CNTNAP2: variants seen among roughly 807,000 people sequenced by gnomAD.
CNTNAP2 encodes the protein contactin associated protein 2, also known as contactin-associated protein-like 2.
A neutral mutation model predicts 155.2 loss-of-function variants in CNTNAP2; 98 were observed. The observed-to-expected ratio is 0.63, with a 90% CI of 0.54 to 0.75. The LOEUF (loss-of-function observed/expected upper bound fraction) is 0.75. Ranked by LOEUF, CNTNAP2 falls within the 30% of genes least tolerant of loss-of-function variation. The pLI is 0.00. For missense variants in CNTNAP2, 1,727 were observed against 1,688.1 expected (o/e 1.02, Z -0.40); for synonymous variants, 651 against 631.2 (o/e 1.03, Z -0.47).
At chr7:146,165,537 C>T (rs1465964865) in intron 1 of CNTNAP2, among the ~76,000 whole-genome samples, 2 of 152,142 alleles carry the variant, frequency 1.3e-5, no homozygotes, top group Non-Finnish European at 2.9e-5. Flanking sequence ...CTAAACATTT[C>T]AAGTCAGTCT....
At chr7:147,435,840 G>A (rs573101950) in intron 10 of CNTNAP2, among the ~76,000 whole-genome samples, 53 of 152,270 alleles carry the variant, frequency 3.5e-4, no homozygotes, top group African/African-American at 1.3e-3. Context: ...TTGCTATTAG[G>A]ATTTTCAAAA....
chr7:147,522,955 G>A (rs1191829723), intron 11 of CNTNAP2, among the ~76,000 whole-genome samples: 8 of 152,086 alleles, frequency 5.3e-5, no homozygotes, highest in East Asian at 3.9e-4. Flanking sequence ...TTTCATACTA[G>A]TTATGTGTTA....
In CNTNAP2 at chr7:147,964,506, C is replaced by T. The variant is rs370676944; in HGVS notation, c.2256-13356C>T. Among the ~76,000 whole-genome samples the T allele has an allele frequency of 7.0e-4, 107 of 152,200 alleles. 6 individuals carry two copies. The South Asian group carries it at 0.017, about 25-fold the overall frequency. On this transcript the variant is annotated intron_variant, in intron 14 of 23. Coordinates refer to ENST00000361727, the MANE Select transcript of CNTNAP2 (RefSeq NM_014141.6). Reference sequence around the variant, plus strand: ...CCCTGCAAAAGCACGTGGCAATTTCCCCTTCTGGATCCTCACAGGAGAAAA... The same window carrying T: ...CCCTGCAAAAGCACGTGGCAATTTCTCCTTCTGGATCCTCACAGGAGAAAA...
At chr7:147,468,106 A>AC (rs1271581563) in intron 10 of CNTNAP2, among the ~76,000 whole-genome samples, 1 of 151,622 alleles carries the variant, frequency 6.6e-6, no homozygotes, top group Non-Finnish European at 1.5e-5. Context: ...CAACATAGAG[A>AC]CCCCATCTCT....
chr7:146,192,160 G>T (rs938836923), intron 1 of CNTNAP2, among the ~76,000 whole-genome samples: 1 of 152,050 alleles, frequency 6.6e-6, no homozygotes, highest in Non-Finnish European at 1.5e-5. Flanking sequence ...CGCTTCAGCC[G>T]GTCCCTCCGT....
chr7:147,165,355 T>C (rs1669841233), intron 8 of CNTNAP2, among the ~76,000 whole-genome samples: 2 of 152,160 alleles, frequency 1.3e-5, no homozygotes, highest in South Asian at 4.1e-4. Flanking sequence ...TGTTGGTTTT[T>C]TTTTCTGGCT....
intron 15 of CNTNAP2, among the ~76,000 whole-genome samples, chr7:148,052,942 G>A (rs1179094441): frequency 1.3e-5 from 2 of 152,158 alleles, no homozygotes; most frequent in African/African-American, 4.8e-5. Flanking sequence ...AGCTACTCGG[G>A]AGGCTGAGCC....
chr7:146,231,502 G>A (rs1405119), intron 1 of CNTNAP2, among the ~76,000 whole-genome samples: 4,825 of 152,254 alleles, frequency 0.032, 249 homozygotes, highest in African/African-American at 0.11. Flanking sequence ...TTATAGAAAA[G>A]CAAGGTACAG....
chr7:147,029,429 G>T (rs752129049), intron 3 of CNTNAP2, among the ~76,000 whole-genome samples: 2 of 152,076 alleles, frequency 1.3e-5, no homozygotes, highest in African/African-American at 2.4e-5. Context: ...AATTGCTAAA[G>T]TTTAAGAGAG....
At chr7:148,148,571 A>G (rs1563215025) in intron 17 of CNTNAP2, among the ~76,000 whole-genome samples, 1 of 152,364 alleles carries the variant, frequency 6.6e-6, no homozygotes, top group Non-Finnish European at 1.5e-5. Flanking sequence ...AAAGCAAGAT[A>G]AGAATGTGAC....
chr7:148,186,843 G>A (rs80316871), intron 18 of CNTNAP2, among the ~76,000 whole-genome samples: 5 of 152,066 alleles, frequency 3.3e-5, no homozygotes, highest in Admixed American at 6.5e-5. Flanking sequence ...GCTGACACAC[G>A]GTCAGTGGTC....
At chr7:147,889,511 A>C (rs1379806883) in intron 13 of CNTNAP2, among the ~76,000 whole-genome samples, 2 of 152,178 alleles carry the variant, frequency 1.3e-5, no homozygotes, top group Non-Finnish European at 2.9e-5. Context: ...AGAAAAAAAA[A>C]TTACAATTCA....
intron 1 of CNTNAP2, among the ~76,000 whole-genome samples, chr7:146,409,025 C>T (rs934427312): frequency 2.0e-5 from 3 of 152,112 alleles, no homozygotes; most frequent in African/African-American, 7.2e-5. Context: ...CTAATCCTTG[C>T]AACGATCCTA....
At chr7:147,070,025 A>C (rs988144494) in intron 4 of CNTNAP2, among the ~76,000 whole-genome samples, 1 of 152,238 alleles carries the variant, frequency 6.6e-6, no homozygotes, top group Non-Finnish European at 1.5e-5. Flanking sequence ...TTGGCTATAA[A>C]TAAGACCTGT....
chr7:146,465,144 A>G (rs1796699911), intron 1 of CNTNAP2, among the ~76,000 whole-genome samples: 1 of 151,992 alleles, frequency 6.6e-6, no homozygotes, highest in Non-Finnish European at 1.5e-5. Flanking sequence ...CCACACACAC[A>G]CACACACAGC....
intron 21 of CNTNAP2, among the ~76,000 whole-genome samples, chr7:148,312,006 C>T (rs951618373): frequency 1.3e-5 from 2 of 152,094 alleles, no homozygotes; most frequent in Admixed American, 6.5e-5. Flanking sequence ...AGCCGGGGAG[C>T]AGAAAGTATA....
rs138344590 is a variant in CNTNAP2 at position 148,118,226 on chromosome 7, C to A, written c.2492C>A (p.Thr831Asn). 1.4e-5 allele frequency: 22 copies of A among 1,614,118 alleles called. No individual in the cohort carries two copies. Among genetic ancestry groups the A allele is most frequent in the Non-Finnish European group, 1.7e-5 (20 of 1,179,988 alleles). The change falls in exon 16 of 24, where the codon ACC (threonine) becomes AAC (asparagine). Residue 831 changes from threonine (T) to asparagine (N), a missense_variant. Transcript: ENST00000361727. ...ADISFYFKTL[T>N]PWGVFLENMG... Reference sequence around the variant, plus strand: ...ATTTCTTTCTACTTCAAAACATTAACCCCCTGGGGAGTGTTTCTTGAAAAT... The same window carrying A: ...ATTTCTTTCTACTTCAAAACATTAAACCCCTGGGGAGTGTTTCTTGAAAAT...
At chr7:146,402,393 G>T (rs1051414436) in intron 1 of CNTNAP2, among the ~76,000 whole-genome samples, 1 of 152,030 alleles carries the variant, frequency 6.6e-6, no homozygotes, top group Non-Finnish European at 1.5e-5. Flanking sequence ...TCTCCTGCTT[G>T]GTTCAGGGAC....
At chr7:146,406,504 A>G (rs181210617) in intron 1 of CNTNAP2, among the ~76,000 whole-genome samples, 50 of 152,348 alleles carry the variant, frequency 3.3e-4, no homozygotes, top group Middle Eastern at 3.4e-3. Context: ...TTATTAAAAC[A>G]ATAAATCAAA....
Sources: gnomAD v4.1 joint callset for allele counts (sites outside exome capture counted in the v4.1 genomes callset) on GRCh38, gnomAD v4.1.1 for gene constraint, MANE v1.5 for transcripts, NCBI Gene and HGNC (gene_info 2026-07-23, HGNC 2026-07-21) for gene names.